Variants in PDE10A observed in about 807,000 individuals in gnomAD.
The protein encoded by PDE10A is phosphodiesterase 10A, also known as cAMP and cAMP-inhibited cGMP 3',5'-cyclic phosphodiesterase 10A.
Under a neutral mutation model 97.7 loss-of-function variants are expected in PDE10A, and 39 were observed. The ratio of observed to expected loss-of-function variants is 0.40; its 90% CI spans 0.31 to 0.52. PDE10A has a LOEUF of 0.52. PDE10A is among the 20% of genes least tolerant of loss of function. PDE10A has a pLI of 0.56. For synonymous variants in PDE10A, 371 were observed against 376.8 expected (o/e 0.98, Z 0.18); for missense variants, 731 against 1,047.8 (o/e 0.70, Z 4.17).
chr6:165,691,083 C>CTA (rs1791260966), intron 1 of PDE10A, among the ~76,000 whole-genome samples: 1 of 48,530 alleles, frequency 2.1e-5, no homozygotes, highest in Non-Finnish European at 5.7e-5. Context: ...CTTTCTCTCT[C>CTA]TCTCTCTCTC....
intron 3 of PDE10A, among the ~76,000 whole-genome samples, chr6:165,465,876 G>T (rs1224958240): frequency 1.3e-5 from 2 of 152,192 alleles, no homozygotes; most frequent in African/African-American, 2.4e-5. Context: ...TATGATTTAG[G>T]AGTAGCATAG....
At chr6:165,470,794 T>C (rs1391009007) in intron 3 of PDE10A, among the ~76,000 whole-genome samples, 1 of 151,130 alleles carries the variant, frequency 6.6e-6, no homozygotes, top group Non-Finnish European at 1.5e-5. Context: ...CCTTAAAGAC[T>C]CTGTTTAGAC....
At chr6:165,494,771 G>A (rs509350) in intron 2 of PDE10A, among the ~76,000 whole-genome samples, 43,967 of 151,802 alleles carry the variant, frequency 0.29, 6,720 homozygotes, top group African/African-American at 0.39. Context: ...TCTTCCATGA[G>A]TAAGTAGCCT....
At chr6:165,703,539 A>G (rs978804876) in intron 1 of PDE10A, among the ~76,000 whole-genome samples, 3 of 152,256 alleles carry the variant, frequency 2.0e-5, no homozygotes, top group Non-Finnish European at 4.4e-5. Flanking sequence ...TCAAAGCCTC[A>G]TAACTGAGTT....
intron 18 of PDE10A, among the ~76,000 whole-genome samples, chr6:165,353,131 C>T (rs192073027): frequency 4.6e-5 from 7 of 152,218 alleles, no homozygotes; most frequent in Admixed American, 3.9e-4. Flanking sequence ...CAGATTAAGA[C>T]AATGAGATAA....
chr6:165,979,929 T>G (rs1784961057), intron 1 of PDE10A, among the ~76,000 whole-genome samples: 1 of 152,230 alleles, frequency 6.6e-6, no homozygotes, highest in Admixed American at 6.5e-5. Context: ...ATAACACAAT[T>G]CATTCTCTGT....
intron 1 of PDE10A, among the ~76,000 whole-genome samples, chr6:165,901,059 C>T (rs1022566763): frequency 2.0e-5 from 3 of 152,298 alleles, no homozygotes; most frequent in East Asian, 1.9e-4. Flanking sequence ...GACAGCAGCA[C>T]GTTCCACCTC....
intron 1 of PDE10A, among the ~76,000 whole-genome samples, chr6:165,841,534 A>C (rs984661234): frequency 3.9e-5 from 6 of 152,250 alleles, no homozygotes; most frequent in African/African-American, 1.4e-4. Context: ...TCTGTGAGAA[A>C]GCAACAGCTG....
chr6:165,955,653 T>C (rs1228400461), intron 1 of PDE10A, among the ~76,000 whole-genome samples: 1 of 152,192 alleles, frequency 6.6e-6, no homozygotes, highest in East Asian at 1.9e-4. Flanking sequence ...TGGAAGTATT[T>C]TAAGTGCGAG....
chr6:165,367,684 G>T (rs572633631), intron 18 of PDE10A, among the ~76,000 whole-genome samples: 1 of 150,914 alleles, frequency 6.6e-6, no homozygotes, highest in Admixed American at 6.6e-5. Context: ...ACAGAGGCCA[G>T]AAGACCATTT....
At chr6:165,396,588 T>C in intron 13 of PDE10A, 129 bp from the exon 14 acceptor site, 1 of 868,308 alleles carries the variant, frequency 1.2e-6, no homozygotes, top group Non-Finnish European at 1.7e-6. Flanking sequence ...TTTATTATTA[T>C]CCGTATTTCC....
At chr6:165,631,623 T>C (rs1178271217) in intron 1 of PDE10A, among the ~76,000 whole-genome samples, 3 of 152,222 alleles carry the variant, frequency 2.0e-5, no homozygotes, top group Admixed American at 2.0e-4. Flanking sequence ...TTCAACATTT[T>C]TATTACATGG....
intron 17 of PDE10A, among the ~76,000 whole-genome samples, chr6:165,381,848 G>C (rs1343340724): frequency 2.0e-5 from 3 of 151,934 alleles, no homozygotes; most frequent in Non-Finnish European, 4.4e-5. Flanking sequence ...ATAAGGAAGG[G>C]AGATACAAGC....
chr6:165,439,776 C>T (rs1286990188), intron 5 of PDE10A, among the ~76,000 whole-genome samples: 1 of 152,146 alleles, frequency 6.6e-6, no homozygotes, highest in African/African-American at 2.4e-5. Flanking sequence ...ACTTAAAAAG[C>T]ATTCAAATTA....
intron 1 of PDE10A, among the ~76,000 whole-genome samples, chr6:165,544,082 A>G (rs1783611299): frequency 6.6e-6 from 1 of 152,192 alleles, no homozygotes; most frequent in Non-Finnish European, 1.5e-5. Context: ...TTTAGTGGTC[A>G]AAGCAAGTGA....
chr6:165,621,500 G>A (rs1788132606), intron 1 of PDE10A, among the ~76,000 whole-genome samples: 1 of 152,112 alleles, frequency 6.6e-6, no homozygotes, highest in African/African-American at 2.4e-5. Context: ...GCTCACGCCT[G>A]TAATCCCAGC....
chr6:165,430,458 G>A, intron 8 of PDE10A, 113 bp from the exon 9 acceptor site: 5 of 604,212 alleles, frequency 8.3e-6, no homozygotes, highest in South Asian at 2.2e-5. Context: ...ACAATCACTT[G>A]GGTTATAATG....
At chr6:165,894,293 G>C in intron 1 of PDE10A, 2 of 456,084 alleles carry the variant, frequency 4.4e-6, no homozygotes, top group South Asian at 3.1e-5. Context: ...AAGATGTGTT[G>C]ATCCAATCTG....
intron 2 of PDE10A, among the ~76,000 whole-genome samples, chr6:165,532,184 G>A (rs983247057): frequency 2.0e-5 from 3 of 151,994 alleles, no homozygotes; most frequent in Non-Finnish European, 2.9e-5. Flanking sequence ...TCGGGGCTCT[G>A]GGAGAAAGTC....
Sources: allele counts gnomAD v4.1 joint callset (sites outside exome capture counted in the v4.1 genomes callset), GRCh38; gene constraint gnomAD v4.1.1; transcripts MANE v1.5; gene names NCBI Gene and HGNC (gene_info 2026-07-23, HGNC 2026-07-21).